The following CUL3 variants were observed in gnomAD, a reference collection of about 807,000 sequenced individuals.
CUL3 encodes cullin-3.
A neutral mutation model predicts 89.1 loss-of-function variants in CUL3; 19 were observed. That is an observed-to-expected ratio of 0.21 (90% CI 0.15 to 0.31). The LOEUF (loss-of-function observed/expected upper bound fraction) is 0.31. CUL3 is among the 10% of genes least tolerant of loss of function. CUL3 has a pLI of 1.00. For synonymous variants in CUL3, 351 were observed against 308.4 expected (o/e 1.14, Z -1.45); for missense variants, 469 against 942.3 (o/e 0.50, Z 6.58).
chr2:224,504,747 A>C (rs1392271634), intron 8 of CUL3, among the ~76,000 whole-genome samples: 1 of 152,224 alleles, frequency 6.6e-6, no homozygotes, highest in Non-Finnish European at 1.5e-5. Context: ...CCCTTATTGC[A>C]GCTACTGCCT....
intron 3 of CUL3, among the ~76,000 whole-genome samples, chr2:224,516,994 A>G (rs1429023500): frequency 6.6e-6 from 1 of 152,162 alleles, no homozygotes. Context: ...TCCTACTGTC[A>G]TAACTAATCG....
intron 15 of CUL3, among the ~76,000 whole-genome samples, chr2:224,477,648 T>C (rs1691374440): frequency 6.6e-6 from 1 of 152,188 alleles, no homozygotes; most frequent in Non-Finnish European, 1.5e-5. Context: ...AACAAACCTC[T>C]ATCTACTCAT....
Position 224,511,498 on chromosome 2 carries a change from G to C in CUL3, c.739C>G (p.Arg247Gly), listed in dbSNP as rs201496024. ...VEARINEEIE[R>G]VMHCLDKSTE... ...GATTTGTCAAGGCAGTGCATCACTC[G>C]TTCTATTTCTTCATTAATTCTAGCT... The change falls in exon 6 of 16, where the codon CGA becomes GGA. Residue 247 changes from arginine (R) to glycine (G), a missense_variant. By Grantham distance (125) the Arg-to-Gly change is moderately radical. Transcript: ENST00000264414. The C allele has an allele frequency of 6.2e-7, 1 of 1,613,382 alleles. No homozygotes were observed. Among genetic ancestry groups the C allele is most frequent in the Non-Finnish European group, 8.5e-7 (1 of 1,179,570 alleles).
chr2:224,526,459 GC>G (rs1211100003), intron 3 of CUL3, among the ~76,000 whole-genome samples: 1 of 151,670 alleles, frequency 6.6e-6, no homozygotes, highest in Non-Finnish European at 1.5e-5. Context: ...GGTGGTGGGC[GC>G]CTGTAATCCC....
chr2:224,530,241 A>AAAAAC lies in CUL3; in HGVS notation c.378+5282_378+5286dup, dbSNP rs567664957. Among the ~76,000 whole-genome samples the AAAAAC allele has an allele frequency of 3.2e-3, 490 of 152,262 alleles. 3 individuals carry two copies. The highest frequency in any genetic ancestry group is 0.01 in the African/African-American group (434 of 41,532). ...GCAACAGAGTGAGACTCCGTCTCAA[A>AAAAAC]AAAACAAAACAAAACAAAACAAAAA... On this transcript the variant is annotated intron_variant, in intron 3 of 15. Coordinates refer to ENST00000264414, the MANE Select transcript of CUL3 (RefSeq NM_003590.5).
chr2:224,555,520 T>C lies in CUL3; in HGVS notation c.264+2139A>G, dbSNP rs538192841. Reference sequence around the variant, plus strand: ...TCACATTTTCACCCACTTAAAAACCTCCAATAACTGTCTACAGTTTAGTCC... The same window carrying C: ...TCACATTTTCACCCACTTAAAAACCCCCAATAACTGTCTACAGTTTAGTCC... On this transcript the variant is annotated intron_variant, in intron 2 of 15. Transcript: ENST00000264414. 4.6e-5 allele frequency among the ~76,000 whole-genome samples: 7 copies of C among 152,290 alleles called. No individual in the cohort carries two copies. In the South Asian group the frequency reaches 1.4e-3, roughly 32 times the overall value.
intron 13 of CUL3, among the ~76,000 whole-genome samples, chr2:224,482,740 G>C (rs1300853050): frequency 6.6e-6 from 1 of 152,182 alleles, no homozygotes; most frequent in East Asian, 1.9e-4. Flanking sequence ...GCTCAGGAAA[G>C]AATGCTGTGT....
At chr2:224,544,246 G>A (rs959911365) in intron 2 of CUL3, among the ~76,000 whole-genome samples, 3 of 152,144 alleles carry the variant, frequency 2.0e-5, no homozygotes, top group African/African-American at 7.2e-5. Context: ...ATTTATAATA[G>A]TTTTGTATGA....
At chr2:224,570,155 T>C (rs1018205964) in intron 1 of CUL3, among the ~76,000 whole-genome samples, 1 of 151,998 alleles carries the variant, frequency 6.6e-6, no homozygotes, top group Non-Finnish European at 1.5e-5. Flanking sequence ...TAAAAAAAAA[T>C]GATCTGAATA....
chr2:224,512,209 C>T (rs1384922581), intron 5 of CUL3, among the ~76,000 whole-genome samples: 3 of 152,030 alleles, frequency 2.0e-5, no homozygotes, highest in Admixed American at 2.0e-4. Context: ...CATTCTCCTG[C>T]CTCAGCCTCC....
chr2:224,583,345 G>C (rs1232175462), intron 1 of CUL3, among the ~76,000 whole-genome samples: 1 of 152,060 alleles, frequency 6.6e-6, no homozygotes, highest in Non-Finnish European at 1.5e-5. Context: ...TGGGCAACAG[G>C]AGCGAAACTC....
chr2:224,571,406 A>G (rs1313835872), intron 1 of CUL3, among the ~76,000 whole-genome samples: 1 of 152,182 alleles, frequency 6.6e-6, no homozygotes, highest in East Asian at 1.9e-4. Context: ...ACATTCATCT[A>G]TGATAATGTA....
intron 2 of CUL3, among the ~76,000 whole-genome samples, chr2:224,541,945 A>G (rs1255268493): frequency 6.6e-6 from 1 of 152,210 alleles, no homozygotes; most frequent in Non-Finnish European, 1.5e-5. Context: ...ACTGGGGTCA[A>G]GCAACTGTTC....
intron 5 of CUL3, among the ~76,000 whole-genome samples, chr2:224,511,862 G>A (rs189838958): frequency 1.3e-5 from 2 of 152,182 alleles, no homozygotes; most frequent in Non-Finnish European, 2.9e-5. Flanking sequence ...GTATATACAC[G>A]CCAGTGAGGG....
intron 2 of CUL3, among the ~76,000 whole-genome samples, chr2:224,553,688 T>C (rs1694600496): frequency 6.6e-6 from 1 of 152,158 alleles, no homozygotes; most frequent in Non-Finnish European, 1.5e-5. Flanking sequence ...ATAAGATACA[T>C]GAGAGACATG....
chr2:224,584,935 G>C lies in CUL3; in HGVS notation c.66+9C>G, dbSNP rs373080952. On this transcript the variant is annotated intron_variant, in intron 1 of 15. Coordinates refer to ENST00000264414, the MANE Select transcript of CUL3 (RefSeq NM_003590.5). ...GCCCCGGGGTCCCGGACGCCGAGGA[G>C]AGACTCACCGGAAAGGCCCGGATCC... The C allele has an allele frequency of 2.0e-6, 3 of 1,476,366 alleles. No individual in the cohort carries two copies. Among genetic ancestry groups the C allele is most frequent in the Non-Finnish European group, 2.7e-6 (3 of 1,101,306 alleles). 91.5% of individuals were successfully genotyped at this position (1,476,366 alleles called of 1,614,324 possible).
At chr2:224,539,218 C>T (rs905833896) in intron 2 of CUL3, among the ~76,000 whole-genome samples, 1 of 152,160 alleles carries the variant, frequency 6.6e-6, no homozygotes, top group Non-Finnish European at 1.5e-5. Context: ...TTGAGGAGAT[C>T]ATAGGTCATT....
chr2:224,523,906 T>C (rs1214194093), intron 3 of CUL3, among the ~76,000 whole-genome samples: 1 of 144,692 alleles, frequency 6.9e-6, no homozygotes, highest in African/African-American at 2.5e-5. Context: ...AGAGGCTTGG[T>C]GGAGGGGAAA....
At position 224,506,849 on chromosome 2, in the gene CUL3, T is replaced by C. The variant is rs1692621877; in HGVS notation, c.1029+9A>G. ...TCATAAACACAGAGAATCTTCTGGG[T>C]TTACTTACCTGGATATAGTCAACAG... is the stretch of plus-strand genomic sequence containing the variant. On this transcript the variant is annotated intron_variant, in intron 7 of 15. Coordinates refer to ENST00000264414, the MANE Select transcript of CUL3 (RefSeq NM_003590.5). 3 of 1,610,092 alleles carry C rather than the reference T, an allele frequency of 1.9e-6. No homozygotes were observed. Among genetic ancestry groups the C allele is most frequent in the African/African-American group, 1.3e-5 (1 of 74,792 alleles).
Sources: gnomAD v4.1 joint callset for allele counts (sites outside exome capture counted in the v4.1 genomes callset) on GRCh38, gnomAD v4.1.1 for gene constraint, MANE v1.5 for transcripts, NCBI Gene and HGNC (gene_info 2026-07-23, HGNC 2026-07-21) for gene names.